FAM120B: variants seen among roughly 807,000 people sequenced by gnomAD.
The protein encoded by FAM120B is constitutive coactivator of peroxisome proliferator-activated receptor gamma.
Under a neutral mutation model 96.3 loss-of-function variants are expected in FAM120B, and 83 were observed. That is an observed-to-expected ratio of 0.86 (90% CI 0.72 to 1.03). FAM120B has a LOEUF of 1.03. Among genes scored for constraint, FAM120B ranks in the 50% least tolerant of loss-of-function variants. FAM120B has a pLI of 0.00. For missense variants in FAM120B, 1,027 were observed against 1,121.2 expected (o/e 0.92, Z 1.20); for synonymous variants, 407 against 402.7 (o/e 1.01, Z -0.13).
intron 6 of FAM120B, among the ~76,000 whole-genome samples, chr6:170,369,974 C>A (rs1583280207): frequency 6.6e-6 from 1 of 152,294 alleles, no homozygotes; most frequent in Admixed American, 6.5e-5. Flanking sequence ...AAGAATCTTT[C>A]ACATGTAACT....
rs902126676 is a variant in FAM120B at position 170,406,739 on chromosome 6, A to G, written c.*1988A>G. On this transcript the variant is annotated 3_prime_UTR_variant, in exon 11 of 11. Coordinates refer to ENST00000476287, the MANE Select transcript of FAM120B (RefSeq NM_032448.3). ...TTTCTTCCATTTTTGCTCATTTGAA[A>G]CCCCTGCTGCTTCTAGATCTATTTC... 4.0e-5 allele frequency: 6 copies of G among 151,870 alleles called. No homozygotes were observed. The highest frequency in any genetic ancestry group is 7.4e-5 in the Non-Finnish European group (5 of 67,970). 9.4% of individuals were successfully genotyped at this position (151,870 alleles called of 1,614,324 possible). A position where few individuals can be genotyped will look rare whatever the true frequency, so the allele number is the denominator to read the frequency against.
intron 4 of FAM120B, among the ~76,000 whole-genome samples, chr6:170,339,035 A>G (rs1415463172): frequency 6.6e-6 from 1 of 151,564 alleles, no homozygotes; most frequent in Non-Finnish European, 1.5e-5. Context: ...TTTAAGGTTA[A>G]TATTGTTATG....
At chr6:170,381,555 C>CA (rs144342597) in intron 6 of FAM120B, among the ~76,000 whole-genome samples, 5,028 of 145,948 alleles carry the variant, frequency 0.034, 305 homozygotes, top group African/African-American at 0.12. Context: ...CCAAACCAGA[C>CA]AAAAAAAAAA....
At chr6:170,400,330 T>G (rs903492234) in intron 9 of FAM120B, among the ~76,000 whole-genome samples, 2 of 122,216 alleles carry the variant, frequency 1.6e-5, no homozygotes, top group African/African-American at 2.8e-5. Flanking sequence ...TACAGATGTA[T>G]CATCAAGAAC....
At chr6:170,397,347 A>G (rs891772093) in intron 9 of FAM120B, among the ~76,000 whole-genome samples, 15 of 151,854 alleles carry the variant, frequency 9.9e-5, no homozygotes, top group African/African-American at 3.4e-4. Context: ...CAAATCTGAG[A>G]TCTCCTTGAC....
intron 9 of FAM120B, among the ~76,000 whole-genome samples, chr6:170,397,463 A>G (rs1778233900): frequency 6.6e-6 from 1 of 152,154 alleles, no homozygotes; most frequent in Non-Finnish European, 1.5e-5. Context: ...TCACGAGGTC[A>G]GGTGGGCTAG....
Position 170,363,585 on chromosome 6 carries a change from G to C in FAM120B, c.2283+5267G>C, listed in dbSNP as rs563792230. On this transcript the variant is annotated intron_variant, in intron 6 of 10. Transcript: ENST00000476287. The surrounding 1 kb of genome is among the most constrained non-coding windows in gnomAD (Gnocchi z 4.5). ...AGTAGCAGCTTTTAGTGAAAATACA[G>C]GTCCCAGGCAAGGCCTGAAGCCCCA... 6.6e-6 allele frequency among the ~76,000 whole-genome samples: 1 copy of C among 152,224 alleles called. No homozygotes were observed. Among genetic ancestry groups the C allele is most frequent in the East Asian group, 1.9e-4 (1 of 5,190 alleles).
chr6:170,361,204 A>ATATATG (rs1788366292), intron 6 of FAM120B, among the ~76,000 whole-genome samples: 1 of 86,256 alleles, frequency 1.2e-5, no homozygotes, highest in Non-Finnish European at 2.2e-5. Context: ...ACGTGTATAT[A>ATATATG]TATATATATA....
chr6:170,297,053 G>T (rs1016435701), intron 1 of FAM120B, among the ~76,000 whole-genome samples: 1 of 152,222 alleles, frequency 6.6e-6, no homozygotes, highest in Admixed American at 6.5e-5. Context: ...GGCACGCGGG[G>T]GGCTTCAAGG....
chr6:170,364,424 T>C lies in FAM120B; in HGVS notation c.2283+6106T>C, dbSNP rs3800268. On this transcript the variant is annotated intron_variant, in intron 6 of 10. Transcript: ENST00000476287. ...CCCACTTAGGGTTTTCAGTTTCCCTTCTCTCCTAGACTAATGCCCCTTTGA... is the reference window on the plus strand; with the variant it reads ...CCCACTTAGGGTTTTCAGTTTCCCTCCTCTCCTAGACTAATGCCCCTTTGA... 0.01 allele frequency among the ~76,000 whole-genome samples: 1,564 copies of C among 152,268 alleles called. 66 individuals are homozygous for C. The East Asian group carries it at 0.1, about 10-fold the overall frequency.
At chr6:170,402,810 G>A (rs1778656323) in intron 9 of FAM120B, among the ~76,000 whole-genome samples, 1 of 152,184 alleles carries the variant, frequency 6.6e-6, no homozygotes, top group African/African-American at 2.4e-5. Context: ...CTTCTGTTCT[G>A]GTCACTTAGA....
rs145394073 is a variant in FAM120B at position 170,351,175 on chromosome 6, T to C, written c.2190+2852T>C. Among the ~76,000 whole-genome samples, 450 of 152,318 alleles carry C rather than the reference T, an allele frequency of 3.0e-3. 1 individual carries two copies. The highest frequency in any genetic ancestry group is 0.01 in the African/African-American group (433 of 41,570). On this transcript the variant is annotated intron_variant, in intron 5 of 10. Coordinates refer to ENST00000476287, the MANE Select transcript of FAM120B (RefSeq NM_032448.3). The stretch of plus-strand genomic sequence containing the variant: ...GCAATTACAAGTGTCAATAGCAGAA[T>C]AGACCAAACGGAGGAATCTCAGAGC...
chr6:170,323,236 C>T lies in FAM120B; in HGVS notation c.1892C>T (p.Ser631Leu). The T allele has an allele frequency of 6.2e-7, 1 of 1,613,786 alleles. No individual in the cohort carries two copies. Among genetic ancestry groups the T allele is most frequent in the Non-Finnish European group, 8.5e-7 (1 of 1,179,820 alleles). Reference sequence around the variant, plus strand: ...CGTCCCATTCGACAGCGGGTCTACTCACTCTTACTGGAGGACTGTCAAGGT... The same window carrying T: ...CGTCCCATTCGACAGCGGGTCTACTTACTCTTACTGGAGGACTGTCAAGGT... ...IYRPIRQRVY[S>L]LLLEDCQDVT... The change falls in exon 3 of 11, where the codon TCA (serine) becomes TTA (leucine). Residue 631 changes from serine (S) to leucine (L), a missense_variant. Transcript: ENST00000476287.
At chr6:170,317,243 C>T in intron 1 of FAM120B, 127 bp from the exon 2 acceptor site, 1 of 708,670 alleles carries the variant, frequency 1.4e-6, no homozygotes, top group South Asian at 2.0e-5. Flanking sequence ...ACCAGCATAT[C>T]ATGTTACCTT....
chr6:170,389,501 G>A (rs1472344526), intron 7 of FAM120B, among the ~76,000 whole-genome samples: 1 of 151,974 alleles, frequency 6.6e-6, no homozygotes, highest in Non-Finnish European at 1.5e-5. Context: ...AATTTTTGAA[G>A]TGCTTTTCAC....
intron 6 of FAM120B, among the ~76,000 whole-genome samples, chr6:170,380,973 A>G (rs887712012): frequency 7.9e-5 from 12 of 152,356 alleles, no homozygotes; most frequent in Non-Finnish European, 1.2e-4. Context: ...GACTGAGATA[A>G]TTTGGACTCA....
intron 6 of FAM120B, among the ~76,000 whole-genome samples, chr6:170,379,478 T>TA (rs1335867596): frequency 6.6e-6 from 1 of 152,230 alleles, no homozygotes; most frequent in Non-Finnish European, 1.5e-5. Flanking sequence ...TCATTATACT[T>TA]ACCAGTTGAG....
At chr6:170,392,790 G>T (rs962181941) in intron 8 of FAM120B, among the ~76,000 whole-genome samples, 4 of 152,176 alleles carry the variant, frequency 2.6e-5, no homozygotes, top group African/African-American at 9.6e-5. Context: ...GGTGTCGTGC[G>T]TAGCACCCCA....
rs532824397 is a variant in FAM120B at position 170,376,321 on chromosome 6, A to T, written c.2284-11966A>T. ...AGAGTTTGGCATTGAAGATTTGGGAAGCATAAGACATATGTCTTTGTAAAT... is the reference window on the plus strand; with the variant it reads ...AGAGTTTGGCATTGAAGATTTGGGATGCATAAGACATATGTCTTTGTAAAT... On this transcript the variant is annotated intron_variant, in intron 6 of 10. Transcript: ENST00000476287. Among the ~76,000 whole-genome samples the T allele has an allele frequency of 3.9e-5, 6 of 152,264 alleles. No individual in the cohort carries two copies. In the East Asian group the frequency reaches 1.2e-3, roughly 29 times the overall value.
Sources: gnomAD v4.1 joint callset for allele counts (sites outside exome capture counted in the v4.1 genomes callset) on GRCh38, gnomAD v4.1.1 for gene constraint, Gnocchi (gnomAD v3.1) non-coding constraint, MANE v1.5 for transcripts, NCBI Gene and HGNC (gene_info 2026-07-23, HGNC 2026-07-21) for gene names.